Variants in ACCSL observed in about 807,000 individuals in gnomAD.
ACCSL encodes the protein 1-aminocyclopropane-1-carboxylate synthase homolog (inactive) like, also known as probable inactive 1-aminocyclopropane-1-carboxylate synthase-like protein 2.
In ACCSL, 55 loss-of-function variants were observed where a neutral mutation model predicts 61.7. The ratio of observed to expected loss-of-function variants is 0.89; its 90% CI spans 0.72 to 1.12. The LOEUF is 1.12. Among genes scored for constraint, ACCSL ranks in the 50% most tolerant of loss-of-function variants. The pLI, the probability that ACCSL is intolerant of heterozygous loss-of-function variation, is 0.00. For synonymous variants in ACCSL, 258 were observed against 264.3 expected, an observed-to-expected ratio of 0.98 and a Z score of 0.23; for missense variants, 632 against 698.0, an observed-to-expected ratio of 0.91 and a Z score of 1.07.
At chr11:44,056,868 AT>A (rs1284553831) in intron 11 of ACCSL, among the ~76,000 whole-genome samples, 2 of 152,290 alleles carry the variant, frequency 1.3e-5, no homozygotes, top group Non-Finnish European at 2.9e-5. Flanking sequence ...ATGAGCTTTA[AT>A]TTCTGGATGT....
At chr11:43,959,266 G>C in the ACCSL span, among the ~76,000 whole-genome samples, 1 of 152,090 alleles carries the variant, frequency 6.6e-6, no homozygotes. Context: ...CCATGTGCTT[G>C]TTCTTGCCAA....
chr11:43,934,381 AAGACTC>A, the ACCSL span, among the ~76,000 whole-genome samples: 1 of 152,120 alleles, frequency 6.6e-6, no homozygotes, highest in South Asian at 2.1e-4. Flanking sequence ...CCACCCGAAA[AAGACTC>A]AGTCTCTCGC....
the ACCSL span, among the ~76,000 whole-genome samples, chr11:43,936,142 C>T: frequency 5.9e-5 from 9 of 152,182 alleles, no homozygotes; most frequent in South Asian, 2.1e-4. Context: ...CCGAGGGCCA[C>T]GTTTGGGCAT....
upstream of ACCSL, among the ~76,000 whole-genome samples, chr11:44,045,040 T>A (rs1187487642): frequency 6.6e-6 from 1 of 152,222 alleles, no homozygotes; most frequent in Non-Finnish European, 1.5e-5. Flanking sequence ...TGTGGAATGG[T>A]GTCATTTACA....
At chr11:43,992,761 C>T in the ACCSL span, among the ~76,000 whole-genome samples, 4 of 152,216 alleles carry the variant, frequency 2.6e-5, no homozygotes, top group South Asian at 2.1e-4. Context: ...TGTCCCGGAA[C>T]GTATTCATTA....
the ACCSL span, among the ~76,000 whole-genome samples, chr11:43,931,456 T>C: frequency 6.6e-6 from 1 of 152,204 alleles, no homozygotes; most frequent in Non-Finnish European, 1.5e-5. Context: ...CTCTGCCCAC[T>C]GAACCCCTCC....
chr11:43,942,782 G>C, the ACCSL span: 1 of 505,862 alleles, frequency 2.0e-6, no homozygotes. Flanking sequence ...CCACCCCGCA[G>C]CAGATTTGGA....
the ACCSL span, among the ~76,000 whole-genome samples, chr11:43,971,822 A>G: frequency 2.2e-4 from 33 of 151,996 alleles, no homozygotes; most frequent in African/African-American, 7.5e-4. Flanking sequence ...CCTTCCACCA[A>G]TCGTGCTGCC....
the ACCSL span, among the ~76,000 whole-genome samples, chr11:43,992,372 C>T: frequency 6.6e-6 from 1 of 152,190 alleles, no homozygotes; most frequent in Admixed American, 6.5e-5. Flanking sequence ...AAGGCAGCTG[C>T]ATCTACATGC....
At chr11:44,004,441 T>C in the ACCSL span, among the ~76,000 whole-genome samples, 1 of 151,948 alleles carries the variant, frequency 6.6e-6, no homozygotes, top group African/African-American at 2.4e-5. Context: ...TGAGCTCCAG[T>C]TGCTCCCTAC....
chr11:43,950,771 CCTGTGAGT>C, the ACCSL span, among the ~76,000 whole-genome samples: 1 of 152,198 alleles, frequency 6.6e-6, no homozygotes, highest in Non-Finnish European at 1.5e-5. Context: ...AGCCGAACAG[CCTGTGAGT>C]CAGGAGTGAT....
chr11:43,953,553 A>C, the ACCSL span, among the ~76,000 whole-genome samples: 1 of 151,736 alleles, frequency 6.6e-6, no homozygotes, highest in African/African-American at 2.4e-5. Context: ...ATGAGGTAAA[A>C]AGCCGGCCAA....
chr11:44,003,311 A>G, the ACCSL span, among the ~76,000 whole-genome samples: 9 of 152,222 alleles, frequency 5.9e-5, no homozygotes, highest in Non-Finnish European at 1.2e-4. Context: ...CACATAACAT[A>G]AAGTTTACTA....
chr11:43,938,438 A>T, the ACCSL span, among the ~76,000 whole-genome samples: 1 of 152,224 alleles, frequency 6.6e-6, no homozygotes, highest in Admixed American at 6.5e-5. Context: ...TTGAGCCGTG[A>T]CCACATCCAA....
chr11:43,929,298 C>A, the ACCSL span, among the ~76,000 whole-genome samples: 2 of 152,204 alleles, frequency 1.3e-5, no homozygotes, highest in African/African-American at 4.8e-5. Flanking sequence ...TGGCTCACTG[C>A]AGCCTTAATC....
chr11:43,942,862 C>CCCCGGCGCCCCGCCG, the ACCSL span: 2 of 1,242,428 alleles, frequency 1.6e-6, no homozygotes, highest in East Asian at 6.8e-5. Flanking sequence ...CCTCGGAGAG[C>CCCCGGCGCCCCGCCG]CCCGGCGCCC....
At chr11:43,943,347 C>T in the ACCSL span, 5 of 1,397,446 alleles carry the variant, frequency 3.6e-6, no homozygotes, top group Admixed American at 3.8e-5. This position sits in a 1 kb window ranked among gnomAD's most constrained non-coding sequence, Gnocchi z 4.8. Context: ...CCGAGAGTGC[C>T]CGCGCCCTGC....
the ACCSL span, among the ~76,000 whole-genome samples, chr11:43,949,555 C>T: frequency 7.2e-5 from 11 of 152,204 alleles, no homozygotes; most frequent in Non-Finnish European, 1.5e-4. Flanking sequence ...TGGCTCACGC[C>T]TGTAATCCCA....
chr11:43,976,273 G>A, the ACCSL span, among the ~76,000 whole-genome samples: 13 of 152,186 alleles, frequency 8.5e-5, no homozygotes, highest in Non-Finnish European at 2.9e-5. Context: ...ACAAGGGACA[G>A]AGGGCAGACT....
Sources: allele counts gnomAD v4.1 joint callset (sites outside exome capture counted in the v4.1 genomes callset), GRCh38; gene constraint gnomAD v4.1.1; non-coding constraint Gnocchi (gnomAD v3.1); transcripts MANE v1.5; gene names NCBI Gene and HGNC (gene_info 2026-07-23, HGNC 2026-07-21).